Variants in CCL11 observed in about 807,000 individuals in gnomAD.
CCL11 encodes the protein eotaxin.
In CCL11, 7 loss-of-function variants were observed where a neutral mutation model predicts 7.3. The observed-to-expected ratio is 0.96, with a 90% CI of 0.55 to 1.81. CCL11 has a LOEUF of 1.81. Ranked by LOEUF, CCL11 falls within the 40% of genes most tolerant of loss-of-function variation. The pLI, the probability that CCL11 is intolerant of heterozygous loss-of-function variation, is 0.00. For synonymous variants in CCL11, 66 were observed against 45.2 expected (o/e 1.46, Z -1.84); for missense variants, 132 against 114.2 (o/e 1.16, Z -0.71).
chr17:34,287,776 A>C lies in CCL11; in HGVS notation c.*86A>C. On this transcript the variant is annotated 3_prime_UTR_variant, in exon 3 of 3. Transcript: ENST00000305869. ...TTACAATGCATTCTGAGGTAACCTC[A>C]TTATCAGTCCAAAGGGCATGGGTTT... 1.3e-6 allele frequency: 1 copy of C among 770,768 alleles called. No homozygotes were observed. The allele number at this position is 770,768 out of a possible 1,614,324, so 47.7% of individuals were successfully genotyped here.
chr17:34,285,755 C>A lies in CCL11; in HGVS notation c.-54C>A. 7.0e-7 allele frequency: 1 copy of A among 1,424,104 alleles called. No homozygotes were observed. The highest frequency in any genetic ancestry group is 9.8e-7 in the Non-Finnish European group (1 of 1,022,098). The allele number at this position is 1,424,104 out of a possible 1,614,324, so 88.2% of individuals were successfully genotyped here. On this transcript the variant is annotated 5_prime_UTR_variant, in exon 1 of 3. Transcript: ENST00000305869. ...GGCCAGAGGAGCAGAGAGGCTGAGA[C>A]CAACCCAGAAACCACCACCTCTCAC... is the stretch of plus-strand genomic sequence containing the variant.
chr17:34,285,937 C>G, intron 1 of CCL11, 53 bp downstream of exon 1: 1 of 1,233,770 alleles, frequency 8.1e-7, no homozygotes, highest in Non-Finnish European at 1.2e-6. Flanking sequence ...TCCAGAGCTA[C>G]TAGGTCAGCA....
rs774569655 is a variant in CCL11, at chr17:34,287,217, T to G, written c.188+10T>G. The stretch of plus-strand genomic sequence containing the variant: ...CCCAGAAAGCTGTGATGTAAGTAAA[T>G]AAAGTTCACCCTCCCCTAGACAAAA... On this transcript the variant is annotated intron_variant, in intron 2 of 2. Coordinates refer to ENST00000305869, the MANE Select transcript of CCL11 (RefSeq NM_002986.3). The G allele has an allele frequency of 6.3e-7, 1 of 1,588,188 alleles. No individual in the cohort carries two copies. Among genetic ancestry groups the G allele is most frequent in the Non-Finnish European group, 8.6e-7 (1 of 1,156,456 alleles).
rs996702667 is a variant in CCL11, at chr17:34,286,945, C to T, written c.77-151C>T. The T allele has an allele frequency of 4.3e-5, 25 of 586,798 alleles. No individual in the cohort carries two copies. The South Asian group carries it at 4.5e-4, about 11-fold the overall frequency. The allele number at this position is 586,798 out of a possible 1,614,324, so 36.3% of individuals were successfully genotyped here. On this transcript the variant is annotated intron_variant, in intron 1 of 2. Coordinates refer to ENST00000305869, the MANE Select transcript of CCL11 (RefSeq NM_002986.3). Reference sequence around the variant, plus strand: ...GACACAGGACAGCATCCTCCAGACACATAAGACTTCAGAGCAGAGGGATTC... The same window carrying T: ...GACACAGGACAGCATCCTCCAGACATATAAGACTTCAGAGCAGAGGGATTC...
At chr17:34,286,105 G>A (rs1268790413) in intron 1 of CCL11, among the ~76,000 whole-genome samples, 4 of 152,202 alleles carry the variant, frequency 2.6e-5, no homozygotes, top group African/African-American at 4.8e-5. Context: ...GGGTTGCTGG[G>A]TGCATCCATA....
At position 34,287,979 on chromosome 17, in the gene CCL11, C is replaced by A; in HGVS notation, c.*289C>A. ...CTGTCACGTGTGGGCAATGTTCCCC[C>A]TCTCCTCTCTTCCTCCCTGGAATCT... On this transcript the variant is annotated 3_prime_UTR_variant, in exon 3 of 3. Transcript: ENST00000305869. The A allele has an allele frequency of 5.9e-6, 1 of 169,500 alleles. No homozygotes were observed. 10.5% of individuals were successfully genotyped at this position (169,500 alleles called of 1,614,324 possible). A position where few individuals can be genotyped will look rare whatever the true frequency, so the allele number is the denominator to read the frequency against.
chr17:34,287,206 A>T lies in CCL11; in HGVS notation c.187A>T (p.Ile63Phe). 6.2e-7 allele frequency: 1 copy of T among 1,606,986 alleles called. No individual in the cohort carries two copies. Among genetic ancestry groups the T allele is most frequent in the South Asian group, 1.1e-5 (1 of 90,886 alleles). ...TGGCAAATGTCCCCAGAAAGCTGTG[A>T]TGTAAGTAAATAAAGTTCACCCTCC... ...TSGKCPQKAVIFKTKLAKDIC... is the reference protein window; with the variant it reads ...TSGKCPQKAVFFKTKLAKDIC... The change falls in exon 2 of 3, where the codon ATC (isoleucine) becomes TTC (phenylalanine). Residue 63 changes from isoleucine to phenylalanine, a missense_variant and splice_region_variant. Coordinates refer to ENST00000305869, the MANE Select transcript of CCL11 (RefSeq NM_002986.3).
chr17:34,287,440 GAGCAGCAACT>G (rs1908668390), intron 2 of CCL11, 135 bp from the exon 3 acceptor site: 1 of 664,748 alleles, frequency 1.5e-6, no homozygotes, highest in African/African-American at 1.8e-5. Context: ...GGGCCTTTAA[GAGCAGCAACT>G]AACCCAAGAG....
Position 34,287,724 on chromosome 17 carries a change from G to C in CCL11, c.*34G>C, listed in dbSNP as rs200369153. The stretch of plus-strand genomic sequence containing the variant: ...CATTTTTGAAACCAAACCAGAGCCT[G>C]AGTGTTGCCTAATTTGTTTTCCCTT... On this transcript the variant is annotated 3_prime_UTR_variant, in exon 3 of 3. Coordinates refer to ENST00000305869, the MANE Select transcript of CCL11 (RefSeq NM_002986.3). 4 of 1,409,524 alleles carry C rather than the reference G, an allele frequency of 2.8e-6. No individual in the cohort carries two copies. Among genetic ancestry groups the C allele is most frequent in the East Asian group, 4.6e-5 (2 of 43,754 alleles). The allele number at this position is 1,409,524 out of a possible 1,614,324, so 87.3% of individuals were successfully genotyped here.
rs993461865 is a variant in CCL11 at position 34,287,296 on chromosome 17, T to TA, written c.188+90dup. ...ACTGTGTCACAGTTGCTGGGAGTCA[T>TA]AGACTCTGATAGTTTGACCTCTATG... On this transcript the variant is annotated intron_variant, in intron 2 of 2. Coordinates refer to ENST00000305869, the MANE Select transcript of CCL11 (RefSeq NM_002986.3). 2.3e-4 allele frequency: 206 copies of TA among 903,344 alleles called. 1 individual carries two copies. In the African/African-American group the frequency reaches 3.2e-3, roughly 14 times the overall value. The allele number at this position is 903,344 out of a possible 1,614,324, so 56.0% of individuals were successfully genotyped here.
intron 2 of CCL11, 124 bp from the exon 3 acceptor site, chr17:34,287,461 T>A: frequency 1.4e-6 from 1 of 706,288 alleles, no homozygotes; most frequent in Non-Finnish European, 2.5e-6. Context: ...AACCCAAGAG[T>A]CTCATCCTTC....
In CCL11 at chr17:34,287,792, G is replaced by A. The variant is rs1908684026; in HGVS notation, c.*102G>A. On this transcript the variant is annotated 3_prime_UTR_variant, in exon 3 of 3. Coordinates refer to ENST00000305869, the MANE Select transcript of CCL11 (RefSeq NM_002986.3). ...GGTAACCTCATTATCAGTCCAAAGG[G>A]CATGGGTTTTATTATATATATATAT... 3 of 587,010 alleles carry A rather than the reference G, an allele frequency of 5.1e-6. No homozygotes were observed. The highest frequency in any genetic ancestry group is 4.9e-5 in the South Asian group (2 of 40,686). The allele number at this position is 587,010 out of a possible 1,614,324, so 36.4% of individuals were successfully genotyped here.
intron 1 of CCL11, 43 bp from the exon 2 acceptor site, chr17:34,287,053 G>T (rs1248531678): frequency 1.5e-6 from 2 of 1,296,946 alleles, no homozygotes; most frequent in East Asian, 2.3e-5. Context: ...ATCATCATGT[G>T]GCTCATTTTT....
chr17:34,287,805 T>A lies in CCL11; in HGVS notation c.*115T>A. 1 of 324,300 alleles carries A rather than the reference T, an allele frequency of 3.1e-6. No individual in the cohort carries two copies. The highest frequency in any genetic ancestry group is 5.2e-6 in the Non-Finnish European group (1 of 192,236). 20.1% of individuals were successfully genotyped at this position (324,300 alleles called of 1,614,324 possible). Reference sequence around the variant, plus strand: ...TCAGTCCAAAGGGCATGGGTTTTATTATATATATATATTTTTTTTTTTAAA... The same window carrying A: ...TCAGTCCAAAGGGCATGGGTTTTATAATATATATATATTTTTTTTTTTAAA... On this transcript the variant is annotated 3_prime_UTR_variant, in exon 3 of 3. Coordinates refer to ENST00000305869, the MANE Select transcript of CCL11 (RefSeq NM_002986.3).
At position 34,285,780 on chromosome 17, in the gene CCL11, C is replaced by T. The variant is rs569178047; in HGVS notation, c.-29C>T. 40 of 1,587,772 alleles carry T rather than the reference C, an allele frequency of 2.5e-5. 1 individual carries two copies. In the African/African-American group the frequency reaches 2.6e-4, roughly 10 times the overall value. On this transcript the variant is annotated 5_prime_UTR_variant, in exon 1 of 3. The change creates a new upstream start codon in the 5' untranslated region. Coordinates refer to ENST00000305869, the MANE Select transcript of CCL11 (RefSeq NM_002986.3). ...CCAACCCAGAAACCACCACCTCTCA[C>T]GCCAAAGCTCACACCTTCAGCCTCC... is the stretch of plus-strand genomic sequence containing the variant.
Position 34,287,943 on chromosome 17 carries a change from A to T in CCL11, c.*253A>T, listed in dbSNP as rs530277159. 6 of 186,600 alleles carry T rather than the reference A, an allele frequency of 3.2e-5. No individual in the cohort carries two copies. The highest frequency in any genetic ancestry group is 3.2e-5 in the Non-Finnish European group (3 of 92,544). The allele number at this position is 186,600 out of a possible 1,614,324, so 11.6% of individuals were successfully genotyped here. A position where few individuals can be genotyped will look rare whatever the true frequency, so the allele number is the denominator to read the frequency against. ...AGATTCTTTACCCCCTGGGAGCCCCAATTCGATCCCCTGTCACGTGTGGGC... is the reference window on the plus strand; with the variant it reads ...AGATTCTTTACCCCCTGGGAGCCCCTATTCGATCCCCTGTCACGTGTGGGC... On this transcript the variant is annotated 3_prime_UTR_variant, in exon 3 of 3. Transcript: ENST00000305869.
chr17:34,287,245 A>T (rs200153494), intron 2 of CCL11, 38 bp downstream of exon 2: 2 of 1,410,380 alleles, frequency 1.4e-6, no homozygotes, highest in Middle Eastern at 3.5e-4. Context: ...AGACAAAAAA[A>T]TAATGTCTAG....
intron 2 of CCL11, 83 bp from the exon 3 acceptor site, chr17:34,287,502 G>A: frequency 1.1e-6 from 1 of 949,280 alleles, no homozygotes; most frequent in South Asian, 1.3e-5. Flanking sequence ...TTGTCCAGGG[G>A]CAGATGGTCC....
At position 34,287,814 on chromosome 17, in the gene CCL11, ATATTT is replaced by A; in HGVS notation, c.*126_*130del. ...AGGGCATGGGTTTTATTATATATATATATTTTTTTTTTTAAAAAAAAAACGTATTG... is the reference window on the plus strand; with the variant it reads ...AGGGCATGGGTTTTATTATATATATATTTTTTTTAAAAAAAAAACGTATTG... On this transcript the variant is annotated 3_prime_UTR_variant, in exon 3 of 3. Transcript: ENST00000305869. 3.2e-6 allele frequency: 1 copy of A among 308,506 alleles called. No individual in the cohort carries two copies. The highest frequency in any genetic ancestry group is 4.1e-5 in the African/African-American group (1 of 24,392). 19.1% of individuals were successfully genotyped at this position (308,506 alleles called of 1,614,324 possible). A position where few individuals can be genotyped will look rare whatever the true frequency, so the allele number is the denominator to read the frequency against.
Sources: gnomAD v4.1 joint callset for allele counts (sites outside exome capture counted in the v4.1 genomes callset) on GRCh38, gnomAD v4.1.1 for gene constraint, MANE v1.5 for transcripts, NCBI Gene and HGNC (gene_info 2026-07-23, HGNC 2026-07-21) for gene names.